Variants in LGSN observed in about 807,000 individuals in gnomAD.
The protein encoded by LGSN is lengsin.
A neutral mutation model predicts 19.5 loss-of-function variants in LGSN; 21 were observed. The observed-to-expected ratio is 1.07, with a 90% CI of 0.76 to 1.55. The LOEUF (loss-of-function observed/expected upper bound fraction) is 1.55. LGSN is among the 40% of genes most tolerant of loss of function. The pLI is 0.00. For synonymous variants in LGSN, 257 were observed against 215.6 expected, an observed-to-expected ratio of 1.19 and a Z score of -1.68; for missense variants, 673 against 608.5, an observed-to-expected ratio of 1.11 and a Z score of -1.12.
chr6:63,468,095 A>G, the LGSN span, among the ~76,000 whole-genome samples: 3 of 152,204 alleles, frequency 2.0e-5, no homozygotes, highest in Non-Finnish European at 4.4e-5. Flanking sequence ...TTCAGTCTGT[A>G]ACAATCAGTG....
At chr6:63,344,979 T>G in the LGSN span, among the ~76,000 whole-genome samples, 1 of 152,154 alleles carries the variant, frequency 6.6e-6, no homozygotes, top group African/African-American at 2.4e-5. Flanking sequence ...AAATCTACCA[T>G]TGTCCTCTAT....
chr6:63,513,202 C>T, the LGSN span, among the ~76,000 whole-genome samples: 4 of 152,244 alleles, frequency 2.6e-5, no homozygotes, highest in East Asian at 1.9e-4. Flanking sequence ...TACTTTCAAA[C>T]GAGAAAGAAA....
the LGSN span, among the ~76,000 whole-genome samples, chr6:63,358,705 T>C: frequency 6.6e-6 from 1 of 152,238 alleles, no homozygotes; most frequent in African/African-American, 2.4e-5. Flanking sequence ...TTTGCTGAAG[T>C]TGCTTATCAG....
chr6:63,406,138 G>A, the LGSN span, among the ~76,000 whole-genome samples: 3 of 152,164 alleles, frequency 2.0e-5, no homozygotes, highest in East Asian at 3.9e-4. Context: ...AGTTAACAAG[G>A]ATACCCAGGA....
At chr6:63,412,470 G>A in the LGSN span, among the ~76,000 whole-genome samples, 165 of 101,310 alleles carry the variant, frequency 1.6e-3, 3 homozygotes, top group African/African-American at 6.8e-3. Flanking sequence ...AAGAAAAAGA[G>A]AGAGAAGAAA....
At chr6:63,367,878 G>T in the LGSN span, among the ~76,000 whole-genome samples, 1 of 151,828 alleles carries the variant, frequency 6.6e-6, no homozygotes, top group Non-Finnish European at 1.5e-5. Context: ...ACTCACAGGT[G>T]GGAAGTGAAC....
chr6:63,560,619 G>A, the LGSN span, among the ~76,000 whole-genome samples: 2 of 152,072 alleles, frequency 1.3e-5, no homozygotes, highest in African/African-American at 2.4e-5. Context: ...GGCCAGGCTG[G>A]TCTCGAACTC....
intron 3 of LGSN, among the ~76,000 whole-genome samples, chr6:63,283,299 A>G (rs2127382281): frequency 6.6e-6 from 1 of 152,286 alleles, no homozygotes; most frequent in African/African-American, 2.4e-5. Context: ...AAGCACTGGA[A>G]CAACTTCATC....
chr6:63,431,609 AGATATT>A, the LGSN span, among the ~76,000 whole-genome samples: 13 of 152,216 alleles, frequency 8.5e-5, no homozygotes, highest in Admixed American at 8.5e-4. Flanking sequence ...TGTAAAATAT[AGATATT>A]AAGTATCTTT....
the LGSN span, among the ~76,000 whole-genome samples, chr6:63,548,154 C>G: frequency 6.6e-6 from 1 of 152,180 alleles, no homozygotes; most frequent in Non-Finnish European, 1.5e-5. Flanking sequence ...TTAGATGACC[C>G]TCTCTGATTT....
chr6:63,544,667 G>C, the LGSN span, among the ~76,000 whole-genome samples: 1 of 152,082 alleles, frequency 6.6e-6, no homozygotes, highest in Non-Finnish European at 1.5e-5. Context: ...TTTCTGATTA[G>C]TACAAGCCAA....
chr6:63,434,438 T>A, the LGSN span, among the ~76,000 whole-genome samples: 44 of 62,722 alleles, frequency 7.0e-4, no homozygotes, highest in Admixed American at 7.4e-3. Flanking sequence ...AGACTCCATC[T>A]CAAAAAAAAA....
the LGSN span, among the ~76,000 whole-genome samples, chr6:63,344,672 A>C: frequency 6.6e-5 from 10 of 152,118 alleles, no homozygotes; most frequent in African/African-American, 2.4e-4. Context: ...ATGTATGAAG[A>C]GGAGATTTAG....
At chr6:63,416,646 G>A in the LGSN span, among the ~76,000 whole-genome samples, 1 of 151,614 alleles carries the variant, frequency 6.6e-6, no homozygotes, top group Non-Finnish European at 1.5e-5. Context: ...ACGCAGTCTT[G>A]GCTCACTGCA....
chr6:63,286,008 T>C (rs527406474), intron 2 of LGSN, among the ~76,000 whole-genome samples: 2 of 152,292 alleles, frequency 1.3e-5, no homozygotes, highest in South Asian at 4.1e-4. Flanking sequence ...TGCATAAGGA[T>C]ATAGCGATAT....
the LGSN span, among the ~76,000 whole-genome samples, chr6:63,496,111 A>G: frequency 6.6e-6 from 1 of 151,584 alleles, no homozygotes; most frequent in Non-Finnish European, 1.5e-5. Context: ...TTTTTAGTAA[A>G]GATGGGATTT....
At chr6:63,414,717 C>G in the LGSN span, among the ~76,000 whole-genome samples, 3 of 152,218 alleles carry the variant, frequency 2.0e-5, no homozygotes, top group Non-Finnish European at 4.4e-5. Context: ...GAATTCAAGA[C>G]CAGCCTGGGC....
At chr6:63,346,860 G>C in the LGSN span, among the ~76,000 whole-genome samples, 4 of 152,140 alleles carry the variant, frequency 2.6e-5, no homozygotes, top group Non-Finnish European at 5.9e-5. Context: ...ATGCCTTCTT[G>C]AAAAAGCCTC....
the LGSN span, among the ~76,000 whole-genome samples, chr6:63,502,906 A>G: frequency 6.6e-6 from 1 of 152,238 alleles, no homozygotes; most frequent in African/African-American, 2.4e-5. Flanking sequence ...AATTCCAGCT[A>G]GAAGACGATC....
Sources: gnomAD v4.1 joint callset for allele counts (sites outside exome capture counted in the v4.1 genomes callset) on GRCh38, gnomAD v4.1.1 for gene constraint, MANE v1.5 for transcripts, NCBI Gene and HGNC (gene_info 2026-07-23, HGNC 2026-07-21) for gene names.